The following ACIN1 variants were observed in gnomAD, a reference collection of about 807,000 sequenced individuals.
ACIN1 encodes apoptotic chromatin condensation inducer 1.
A neutral mutation model predicts 146.6 loss-of-function variants in ACIN1; 16 were observed. The observed-to-expected ratio is 0.11, with a 90% CI of 0.07 to 0.17. The LOEUF (loss-of-function observed/expected upper bound fraction) is 0.17. Among genes scored for constraint, ACIN1 ranks in the 10% least tolerant of loss-of-function variants. The pLI, the probability that ACIN1 is intolerant of heterozygous loss-of-function variation, is 1.00. For missense variants in ACIN1, 1,357 were observed against 1,609.3 expected (o/e 0.84, Z 2.68); for synonymous variants, 569 against 582.7 (o/e 0.98, Z 0.34).
At chr14:23,062,734 A>G (rs1169038459) in intron 14 of ACIN1, 195 bp downstream of exon 14, 5 of 826,630 alleles carry the variant, frequency 6.0e-6, no homozygotes, top group East Asian at 2.7e-5. Context: ...CAAGTCCTCA[A>G]AACAACCCTG....
chr14:23,059,350 A>T lies in ACIN1; in HGVS notation c.3650T>A (p.Leu1217Gln), dbSNP rs2047193637. Reference protein sequence around the residue: ...KEAERERNRQLEREKRREHSR... With the variant: ...KEAERERNRQQEREKRREHSR... ...GTGCTCCCGACGTTTCTCTCGCTCCAGCTGTCGGTTCCGTTCCCGCTCGGC... is the reference window on the plus strand; with the variant it reads ...GTGCTCCCGACGTTTCTCTCGCTCCTGCTGTCGGTTCCGTTCCCGCTCGGC... The change falls in exon 19 of 19, where the codon CTG (leucine) becomes CAG (glutamine). Residue 1217 changes from leucine (L) to glutamine (Q), a missense_variant. By Grantham distance (113) the Leu-to-Gln change is moderately radical. Around this residue, in one of 4 missense-constraint regions of ACIN1, gnomAD observed 509 missense variants for 719.6 expected, o/e 0.71. Transcript: ENST00000605057. The T allele has an allele frequency of 7.5e-6, 12 of 1,609,570 alleles. No homozygotes were observed. Among genetic ancestry groups the T allele is most frequent in the Non-Finnish European group, 1.0e-5 (12 of 1,176,552 alleles).
Position 23,068,309 on chromosome 14 carries a change from C to T in ACIN1, c.2265+1167G>A. On this transcript the variant is annotated intron_variant, in intron 9 of 18. Transcript: ENST00000605057. The surrounding 1 kb of genome is among the most constrained non-coding windows in gnomAD (Gnocchi z 4.3). ...GTAGCAAACAAGGCAACCCACAGTC[C>T]TCAAAAGGGCAAGGGCATGTGGGCA... 3 of 985,926 alleles carry T rather than the reference C, an allele frequency of 3.0e-6. No homozygotes were observed. Among genetic ancestry groups the T allele is most frequent in the Non-Finnish European group, 3.6e-6 (3 of 829,978 alleles). 61.1% of individuals were successfully genotyped at this position (985,926 alleles called of 1,614,324 possible). A position where few individuals can be genotyped will look rare whatever the true frequency, so the allele number is the denominator to read the frequency against.
At chr14:23,081,857 A>G (rs1301551935) in intron 4 of ACIN1, 21 bp from the exon 5 acceptor site, 3 of 1,589,134 alleles carry the variant, frequency 1.9e-6, no homozygotes, top group Admixed American at 1.7e-5. Flanking sequence ...AAAAAGAATC[A>G]AGTCAGATTC....
chr14:23,069,910 T>G (rs904234339), intron 8 of ACIN1, among the ~76,000 whole-genome samples: 1 of 152,092 alleles, frequency 6.6e-6, no homozygotes, highest in Non-Finnish European at 1.5e-5. Context: ...AGGTAATAAC[T>G]CACCAGAGTA....
At chr14:23,070,198 G>C (rs1408307714) in intron 8 of ACIN1, among the ~76,000 whole-genome samples, 1 of 151,216 alleles carries the variant, frequency 6.6e-6, no homozygotes, top group Non-Finnish European at 1.5e-5. Flanking sequence ...GAAAATGGTG[G>C]GGGGTGGGGG....
chr14:23,091,272 C>T (rs1270469985), intron 2 of ACIN1, among the ~76,000 whole-genome samples: 1 of 152,016 alleles, frequency 6.6e-6, no homozygotes, highest in African/African-American at 2.4e-5. Flanking sequence ...TTACGTGGAA[C>T]ATTATCTAAA....
Position 23,080,171 on chromosome 14 carries a change from G to A in ACIN1, c.1164C>T (p.Pro388=), listed in dbSNP as rs1885098. The A allele has an allele frequency of 0.15, 246,564 of 1,614,000 alleles. 20,066 individuals carry two copies. Among genetic ancestry groups the A allele is most frequent in the South Asian group, 0.22 (20,166 of 91,072 alleles). The change falls in exon 6 of 19, where the codon CCC becomes CCT. Residue 388 remains proline (P), a synonymous_variant. Transcript: ENST00000605057. ...GAGGAGATAACTGAATGAGGACAGC[G>A]GGGGCTGGGCCTTCCATGGGCTCTA... ...EEIEPMEGPA[P]AVLIQLSPPN... is the part of the protein sequence containing the mutation.
Position 23,080,569 on chromosome 14 carries a change from C to T in ACIN1, c.766G>A (p.Val256Ile), listed in dbSNP as rs1413119421. 6.2e-7 allele frequency: 1 copy of T among 1,614,146 alleles called. No homozygotes were observed. The highest frequency in any genetic ancestry group is 2.2e-5 in the East Asian group (1 of 44,872). Residue 256 changes from valine to isoleucine, a missense_variant, in exon 6 of 19, where the codon GTA (valine) becomes ATA (isoleucine). This residue lies in a region of ACIN1 where 771 missense variants were observed against 746.6 expected (regional missense o/e 1.03). Coordinates refer to ENST00000605057, the MANE Select transcript of ACIN1 (RefSeq NM_001386863.1). ...FKEEGEEIPR[V>I]KPEEMMDERP... ...TCATCCATCATCTCCTCTGGTTTTACTCTAGGTATCTCTTCCCCTTCTTCC... is the reference window on the plus strand; with the variant it reads ...TCATCCATCATCTCCTCTGGTTTTATTCTAGGTATCTCTTCCCCTTCTTCC...
upstream of ACIN1, chr14:23,095,524 C>G: frequency 3.7e-6 from 2 of 538,222 alleles, no homozygotes; most frequent in East Asian, 3.2e-5. Context: ...CGGGCTGGCC[C>G]AGCTTAGGGT....
chr14:23,071,647 A>G, intron 8 of ACIN1: 3 of 1,324,424 alleles, frequency 2.3e-6, no homozygotes, highest in South Asian at 1.4e-5. Flanking sequence ...GAGCTGAGTG[A>G]GCAAGGTTCT....
At chr14:23,089,683 T>C (rs947631608) in intron 4 of ACIN1, among the ~76,000 whole-genome samples, 13 of 152,234 alleles carry the variant, frequency 8.5e-5, no homozygotes, top group African/African-American at 2.9e-4. Flanking sequence ...TATACACAAC[T>C]GGTGAAGAGA....
At chr14:23,076,921 AC>A (rs2047816844) in intron 8 of ACIN1, among the ~76,000 whole-genome samples, 1 of 152,062 alleles carries the variant, frequency 6.6e-6, no homozygotes, top group Non-Finnish European at 1.5e-5. Context: ...CAGAAGAAAA[AC>A]CCTTTTCCAA....
Position 23,058,602 on chromosome 14 carries a change from A to T in ACIN1, c.*546T>A, listed in dbSNP as rs892055169. The T allele has an allele frequency of 6.5e-6, 1 of 154,580 alleles. No individual in the cohort carries two copies. The highest frequency in any genetic ancestry group is 2.4e-5 in the African/African-American group (1 of 41,374). 9.6% of individuals were successfully genotyped at this position (154,580 alleles called of 1,614,324 possible). A position where few individuals can be genotyped will look rare whatever the true frequency, so the allele number is the denominator to read the frequency against. On this transcript the variant is annotated 3_prime_UTR_variant, in exon 19 of 19. Transcript: ENST00000605057. ...CAGATTTTTATTTTTTTTTCCATAG[A>T]CCACATCATTTAATAATAAAAAAAA...
At chr14:23,071,705 G>A in intron 8 of ACIN1, 1 of 760,652 alleles carries the variant, frequency 1.3e-6, no homozygotes, top group Non-Finnish European at 2.0e-6. Context: ...CCAGAGGCCT[G>A]GCCTTCTTTT....
rs780476941 is a variant in ACIN1, at chr14:23,095,132, T to A, written c.-20A>T. 9.3e-6 allele frequency: 15 copies of A among 1,614,224 alleles called. No individual in the cohort carries two copies. The highest frequency in any genetic ancestry group is 1.3e-5 in the Non-Finnish European group (15 of 1,180,040). ...CGCCATCTTGCGTGAGGTACTCGGGTCCGTCCCGACGGCTTCGGGCATCTT... is the reference window on the plus strand; with the variant it reads ...CGCCATCTTGCGTGAGGTACTCGGGACCGTCCCGACGGCTTCGGGCATCTT... On this transcript the variant is annotated 5_prime_UTR_variant, in exon 1 of 19. Coordinates refer to ENST00000605057, the MANE Select transcript of ACIN1 (RefSeq NM_001386863.1).
chr14:23,085,800 G>A (rs1182830161), intron 4 of ACIN1, among the ~76,000 whole-genome samples: 1 of 152,206 alleles, frequency 6.6e-6, no homozygotes, highest in Non-Finnish European at 1.5e-5. Flanking sequence ...TTAGTAACAC[G>A]TGTAGACAGT....
Position 23,069,599 on chromosome 14 carries a change from C to T in ACIN1, c.2142G>A (p.Val714=), listed in dbSNP as rs1268285154. The change falls in exon 9 of 19, where the codon GTG becomes GTA. Residue 714 remains valine (V), a synonymous_variant. Coordinates refer to ENST00000605057, the MANE Select transcript of ACIN1 (RefSeq NM_001386863.1). ...GTCTGTTTTCACTTGTGTCCATGGT[C>T]ACTTCCTCCTTCTCCTCACTGACAG... ...IHHTVEEKEE[V]TMDTSENRPE... 6.8e-6 allele frequency: 11 copies of T among 1,606,728 alleles called. No homozygotes were observed. Among genetic ancestry groups the T allele is most frequent in the Non-Finnish European group, 9.4e-6 (11 of 1,176,162 alleles).
At chr14:23,069,291 C>G (rs2047555366) in intron 9 of ACIN1, 185 bp downstream of exon 9, 4 of 1,300,530 alleles carry the variant, frequency 3.1e-6, no homozygotes, top group Non-Finnish European at 3.9e-6. Context: ...TGAGCCCTGT[C>G]CCCGTCACAA....
Position 23,064,591 on chromosome 14 carries a change from GTTAAC to G in ACIN1, c.2309-108_2309-104del. ...CCTCTGGCTGGAGTTTTGGTAAAAGGTTAACTTAAAGAAATCATATTTGGAGGCTG... is the reference window on the plus strand; with the variant it reads ...CCTCTGGCTGGAGTTTTGGTAAAAGGTTAAAGAAATCATATTTGGAGGCTG... On this transcript the variant is annotated intron_variant, in intron 10 of 18. Coordinates refer to ENST00000605057, the MANE Select transcript of ACIN1 (RefSeq NM_001386863.1). 2.2e-5 allele frequency: 32 copies of G among 1,474,316 alleles called. No individual in the cohort carries two copies. In the South Asian group the frequency reaches 2.8e-4, roughly 13 times the overall value. The allele number at this position is 1,474,316 out of a possible 1,614,324, so 91.3% of individuals were successfully genotyped here.
Sources: allele counts gnomAD v4.1 joint callset (sites outside exome capture counted in the v4.1 genomes callset), GRCh38; gene constraint gnomAD v4.1.1; regional missense constraint gnomAD v4.1.1; non-coding constraint Gnocchi (gnomAD v3.1); transcripts MANE v1.5; gene names NCBI Gene and HGNC (gene_info 2026-07-23, HGNC 2026-07-21).